SPG11: variants seen among roughly 807,000 people sequenced by gnomAD.
SPG11 encodes the protein SPG11 vesicle trafficking associated, spatacsin.
A neutral mutation model predicts 274.0 loss-of-function variants in SPG11; 222 were observed. The ratio of observed to expected loss-of-function variants is 0.81; its 90% CI spans 0.73 to 0.91. SPG11 has a LOEUF of 0.91. Among genes scored for constraint, SPG11 ranks in the 40% least tolerant of loss-of-function variants. The probability of loss-of-function intolerance (pLI) is 0.00; values close to 1 mark genes in which losing one functional copy is unlikely to be tolerated. For synonymous variants in SPG11, 1,144 were observed against 1,039.7 expected (o/e 1.10, Z -1.93); for missense variants, 3,114 against 2,872.7 (o/e 1.08, Z -1.92).
rs753871631 is a variant in SPG11, at chr15:44,663,614, A to G, written c.34T>C (p.Ser12Pro). 3.8e-6 allele frequency: 6 copies of G among 1,596,708 alleles called. No individual in the cohort carries two copies. Among genetic ancestry groups the G allele is most frequent in the Non-Finnish European group, 5.1e-6 (6 of 1,176,014 alleles). The change falls in exon 1 of 40, where the codon TCC becomes CCC. Residue 12 changes from serine to proline, a missense_variant. Coordinates refer to ENST00000261866, the MANE Select transcript of SPG11 (RefSeq NM_025137.4). ...AAEEGVASAA[S>P]AGGSWGTAAM... ...GCGGTGCCCCAGCTACCGCCGGCGGAAGCAGCACTCGCGACCCCTTCCTCT... is the reference window on the plus strand; with the variant it reads ...GCGGTGCCCCAGCTACCGCCGGCGGGAGCAGCACTCGCGACCCCTTCCTCT...
At chr15:44,634,475 G>A (rs1351825765) in intron 7 of SPG11, among the ~76,000 whole-genome samples, 1 of 150,974 alleles carries the variant, frequency 6.6e-6, no homozygotes, top group African/African-American at 2.4e-5. Flanking sequence ...TAATAGACGG[G>A]TTTCACTGCG....
rs1409596798 is a variant in SPG11 at position 44,651,913 on chromosome 15, A to C, written c.1034T>G (p.Leu345Trp). The change falls in exon 6 of 40, where the codon TTG becomes TGG. Residue 345 changes from leucine to tryptophan, a missense_variant. Transcript: ENST00000261866. ...TTTGGAGTTCTTTATTGTTTCATTC[A>C]ATGATGATAGCTGGGCTTTCCAAGA... ...DRSWKAQLSS[L>W]NETIKNSKLE... 5 of 1,612,078 alleles carry C rather than the reference A, an allele frequency of 3.1e-6. No individual in the cohort carries two copies. In the African/African-American group the frequency reaches 6.7e-5, roughly 22 times the overall value.
At chr15:44,622,873 A>G in intron 11 of SPG11, 74 bp from the exon 12 acceptor site, 1 of 1,004,830 alleles carries the variant, frequency 1.0e-6, no homozygotes, top group East Asian at 2.4e-5. Flanking sequence ...TATGTGTTAG[A>G]TACAGAAACA....
At position 44,563,070 on chromosome 15, in the gene SPG11, A is replaced by ATCTG; in HGVS notation, c.*47_*50dup. The ATCTG allele has an allele frequency of 1.3e-6, 2 of 1,556,814 alleles. No homozygotes were observed. The highest frequency in any genetic ancestry group is 1.8e-6 in the Non-Finnish European group (2 of 1,128,764). On this transcript the variant is annotated 3_prime_UTR_variant, in exon 40 of 40. Coordinates refer to ENST00000261866, the MANE Select transcript of SPG11 (RefSeq NM_025137.4). ...TCCAATGCATTCTTCTTCTCATCAC[A>ATCTG]TCTGTCAGAATCTGCTAACAGTACA...
At chr15:44,591,249 T>C (rs1218526591) in intron 27 of SPG11, among the ~76,000 whole-genome samples, 1 of 152,260 alleles carries the variant, frequency 6.6e-6, no homozygotes, top group Non-Finnish European at 1.5e-5. Flanking sequence ...ATTGCTACTA[T>C]TCCTGCTTAG....
chr15:44,618,258 C>T (rs2083641374), intron 15 of SPG11, among the ~76,000 whole-genome samples: 1 of 151,892 alleles, frequency 6.6e-6, no homozygotes, highest in Non-Finnish European at 1.5e-5. Flanking sequence ...CCTGTAATCC[C>T]AGCACTTTGG....
intron 7 of SPG11, among the ~76,000 whole-genome samples, chr15:44,648,650 T>C (rs1425700857): frequency 4.6e-5 from 7 of 152,186 alleles, no homozygotes; most frequent in Admixed American, 4.6e-4. Context: ...ACCTTTTTCT[T>C]ATTATTTACT....
At chr15:44,648,039 A>C (rs1051719223) in intron 7 of SPG11, among the ~76,000 whole-genome samples, 8 of 152,330 alleles carry the variant, frequency 5.3e-5, no homozygotes, top group Non-Finnish European at 1.0e-4. Context: ...GCTCTGGGTC[A>C]CCCACTCAAT....
chr15:44,619,576 T>C (rs1049338686), intron 15 of SPG11, among the ~76,000 whole-genome samples: 1 of 152,170 alleles, frequency 6.6e-6, no homozygotes, highest in Non-Finnish European at 1.5e-5. Flanking sequence ...CTAAGGTATC[T>C]CCATCTCAGC....
intron 16 of SPG11, among the ~76,000 whole-genome samples, chr15:44,614,718 C>G (rs2083548301): frequency 6.6e-6 from 1 of 152,038 alleles, no homozygotes; most frequent in Admixed American, 6.6e-5. Flanking sequence ...GAGTAACTAC[C>G]CCATAGAGTT....
intron 4 of SPG11, among the ~76,000 whole-genome samples, chr15:44,652,949 AC>A (rs1392931990): frequency 1.3e-5 from 2 of 152,138 alleles, no homozygotes; most frequent in Non-Finnish European, 2.9e-5. Flanking sequence ...TTATACTGCC[AC>A]CACAAAGTAA....
rs1171155661 is a variant in SPG11, at chr15:44,563,294, G to T, written c.7159C>A (p.Gln2387Lys). 1.2e-6 allele frequency: 2 copies of T among 1,612,336 alleles called. No homozygotes were observed. The highest frequency in any genetic ancestry group is 1.1e-5 in the South Asian group (1 of 91,026). The change falls in exon 40 of 40, where the codon CAA becomes AAA. Residue 2387 changes from glutamine to lysine, a missense_variant. By Grantham distance (53) the Gln-to-Lys change is moderately conservative (BLOSUM62 1). Coordinates refer to ENST00000261866, the MANE Select transcript of SPG11 (RefSeq NM_025137.4). ...ATGACCATGTCAGTAGGCTGATGTTGTTTATATCTAGATAAAGAAACATAA... is the reference window on the plus strand; with the variant it reads ...ATGACCATGTCAGTAGGCTGATGTTTTTTATATCTAGATAAAGAAACATAA... ...IFEEISKKYK[Q>K]HQPTDMVMEN...
intron 7 of SPG11, among the ~76,000 whole-genome samples, chr15:44,640,643 T>C (rs906270742): frequency 1.3e-5 from 2 of 152,180 alleles, no homozygotes; most frequent in Non-Finnish European, 2.9e-5. Flanking sequence ...ATGAACAGAA[T>C]AGAGAGGTCA....
chr15:44,579,770 T>C (rs928392316), intron 30 of SPG11, among the ~76,000 whole-genome samples: 1 of 152,088 alleles, frequency 6.6e-6, no homozygotes, highest in Admixed American at 6.6e-5. Context: ...AACTGAAAAA[T>C]GCAGTTACGT....
chr15:44,578,018 C>T (rs189898755), intron 30 of SPG11, among the ~76,000 whole-genome samples: 9,465 of 142,974 alleles, frequency 0.066, 862 homozygotes, highest in African/African-American at 0.19. Context: ...AGCCTTCTTT[C>T]CTTTTTTTTT....
At chr15:44,576,903 T>C (rs1362074472) in intron 30 of SPG11, among the ~76,000 whole-genome samples, 1 of 151,934 alleles carries the variant, frequency 6.6e-6, no homozygotes, top group Non-Finnish European at 1.5e-5. Context: ...CTCGGTTCAC[T>C]GCAACCTCTG....
rs777010404 is a variant in SPG11 at position 44,596,359 on chromosome 15, G to T, written c.4162-4C>A. 3.1e-6 allele frequency: 5 copies of T among 1,614,044 alleles called. No individual in the cohort carries two copies. In the South Asian group the frequency reaches 4.4e-5, roughly 14 times the overall value. On this transcript the variant is annotated splice_region_variant and splice_polypyrimidine_tract_variant and intron_variant, in intron 24 of 39. Transcript: ENST00000261866. ...AGTACTGGATAAGGGATTTCACCTA[G>T]AAGGCATATCAGATGATTAAACAGA...
Position 44,592,366 on chromosome 15 carries a change from C to T in SPG11, c.4708G>A (p.Ala1570Thr). 6.2e-7 allele frequency: 1 copy of T among 1,611,724 alleles called. No individual in the cohort carries two copies. Among genetic ancestry groups the T allele is most frequent in the Non-Finnish European group, 8.5e-7 (1 of 1,177,820 alleles). ...CTCTTCTGAAACTCCAGAAGTTTAG[C>T]TTCAGCTTCTTTATAATTCCTGAAG... ...MFFRNYKEAE[A>T]KLLEFQKSLE... Residue 1570 changes from alanine (A) to threonine (T), a missense_variant, in exon 27 of 40, where the codon GCT becomes ACT. Transcript: ENST00000261866.
At chr15:44,645,789 A>G (rs771976779) in intron 7 of SPG11, among the ~76,000 whole-genome samples, 5 of 152,196 alleles carry the variant, frequency 3.3e-5, no homozygotes, top group Non-Finnish European at 5.9e-5. Context: ...CCCCATTAAA[A>G]AGTGGGAAAA....
Sources: allele counts gnomAD v4.1 joint callset (sites outside exome capture counted in the v4.1 genomes callset), GRCh38; gene constraint gnomAD v4.1.1; transcripts MANE v1.5; gene names NCBI Gene and HGNC (gene_info 2026-07-23, HGNC 2026-07-21).